The following KCNAB2 variants were observed in gnomAD, a reference collection of about 807,000 sequenced individuals.
KCNAB2 encodes potassium voltage-gated channel subfamily A regulatory beta subunit 2.
In KCNAB2, 29 loss-of-function variants were observed where a neutral mutation model predicts 63.6. The ratio of observed to expected loss-of-function variants is 0.46; its 90% confidence interval spans 0.34 to 0.62. The LOEUF is 0.62. Among genes scored for constraint, KCNAB2 ranks in the 20% least tolerant of loss-of-function variants. KCNAB2 has a pLI of 0.01. For missense variants in KCNAB2, 359 were observed against 563.9 expected (o/e 0.64, Z 3.68); for synonymous variants, 222 against 224.2 (o/e 0.99, Z 0.09).
intron 1 of KCNAB2, among the ~76,000 whole-genome samples, chr1:6,037,850 C>G (rs1211823765): frequency 2.0e-5 from 3 of 149,362 alleles, no homozygotes; most frequent in Non-Finnish European, 4.5e-5. Flanking sequence ...CATGATCCAT[C>G]GTGCCTGGCC....
chr1:6,010,187 T>C (rs1040894293), intron 1 of KCNAB2, among the ~76,000 whole-genome samples: 2 of 152,172 alleles, frequency 1.3e-5, no homozygotes, highest in African/African-American at 4.8e-5. Context: ...ATATGTGCCA[T>C]TTCTTAGCTT....
chr1:6,086,231 C>T lies in KCNAB2; in HGVS notation c.425+983C>T. 1 of 985,254 alleles carries T rather than the reference C, an allele frequency of 1.0e-6. No individual in the cohort carries two copies. Among genetic ancestry groups the T allele is most frequent in the South Asian group, 4.7e-5 (1 of 21,280 alleles). 61.0% of individuals were successfully genotyped at this position (985,254 alleles called of 1,614,324 possible). On this transcript the variant is annotated intron_variant, in intron 6 of 15. Coordinates refer to ENST00000378083, the MANE Select transcript of KCNAB2 (RefSeq NM_001199862.2). This position sits in a 1 kb window ranked among gnomAD's most constrained non-coding sequence, Gnocchi z 4.2. ...GAAATGCCACTCAGAATCCCAGTGC[C>T]AAGGGGAGCCCCCGCCCCCTCCCCC...
At chr1:6,060,045 C>T (rs1229756421) in intron 2 of KCNAB2, among the ~76,000 whole-genome samples, 2 of 152,336 alleles carry the variant, frequency 1.3e-5, no homozygotes, top group Admixed American at 6.5e-5. Context: ...ACTGTCCCTC[C>T]GTGTCAAGTC....
Position 6,099,654 on chromosome 1 carries a change from G to C in KCNAB2, c.*1080G>C. On this transcript the variant is annotated 3_prime_UTR_variant, in exon 16 of 16. Transcript: ENST00000378083. Reference sequence around the variant, plus strand: ...CTTGGGTTTTGTGGAGCGCATGCTTGGACCCTTTCAGTAAGGAAGGGTCTT... The same window carrying C: ...CTTGGGTTTTGTGGAGCGCATGCTTCGACCCTTTCAGTAAGGAAGGGTCTT... 3 of 1,124,642 alleles carry C rather than the reference G, an allele frequency of 2.7e-6. No individual in the cohort carries two copies. Among genetic ancestry groups the C allele is most frequent in the Non-Finnish European group, 3.7e-6 (3 of 821,582 alleles). 69.7% of individuals were successfully genotyped at this position (1,124,642 alleles called of 1,614,324 possible). A position where few individuals can be genotyped will look rare whatever the true frequency, so the allele number is the denominator to read the frequency against.
chr1:6,043,966 C>G (rs1301084127), upstream of KCNAB2, among the ~76,000 whole-genome samples: 1 of 152,204 alleles, frequency 6.6e-6, no homozygotes, highest in Non-Finnish European at 1.5e-5. Context: ...AAGTTGGATC[C>G]CCATGTCCTC....
rs115846477 is a variant in KCNAB2, at chr1:6,099,605, G to A, written c.*1031G>A. 1.3e-3 allele frequency: 902 copies of A among 676,686 alleles called. 10 individuals are homozygous for A. In the African/African-American group the frequency reaches 0.015, roughly 11 times the overall value. The allele number at this position is 676,686 out of a possible 1,614,324, so 41.9% of individuals were successfully genotyped here. A position where few individuals can be genotyped will look rare whatever the true frequency, so the allele number is the denominator to read the frequency against. On this transcript the variant is annotated 3_prime_UTR_variant, in exon 16 of 16. Transcript: ENST00000378083. ...CTAAAGCCGCCCGCCAGCCCAGGCC[G>A]CTGCTCTGCACCGAGCTGGTGGGCT... is the stretch of plus-strand genomic sequence containing the variant.
chr1:6,087,241 A>T lies in KCNAB2; in HGVS notation c.426-226A>T, dbSNP rs1664778263. ...CTGTCCAACTCCCACTGCCTGACTC[A>T]CAGTTACTGCCTCGGTGGCTGCCTC... On this transcript the variant is annotated intron_variant, in intron 6 of 15. Transcript: ENST00000378083. This position sits in a 1 kb window ranked among gnomAD's most constrained non-coding sequence, Gnocchi z 6.4. 6.6e-6 allele frequency among the ~76,000 whole-genome samples: 1 copy of T among 151,774 alleles called. No individual in the cohort carries two copies. Among genetic ancestry groups the T allele is most frequent in the East Asian group, 1.9e-4 (1 of 5,136 alleles).
chr1:6,078,544 C>T lies in KCNAB2; in HGVS notation c.301-3651C>T, dbSNP rs937772824. On this transcript the variant is annotated intron_variant, in intron 4 of 15. Transcript: ENST00000378083. The surrounding 1 kb of genome is among the most constrained non-coding windows in gnomAD (Gnocchi z 4.2). ...GAGCCTTCGGGGGCCAAGGGGACAA[C>T]CAAGGCACAGCCCTAAGGCCGAGTG... Among the ~76,000 whole-genome samples, 1 of 152,132 alleles carries T rather than the reference C, an allele frequency of 6.6e-6. No individual in the cohort carries two copies. The highest frequency in any genetic ancestry group is 1.5e-5 in the Non-Finnish European group (1 of 68,030).
At chr1:6,004,997 G>A (rs1046838936) in intron 1 of KCNAB2, among the ~76,000 whole-genome samples, 1 of 123,630 alleles carries the variant, frequency 8.1e-6, no homozygotes, top group African/African-American at 2.9e-5. Flanking sequence ...CAGAGATCTG[G>A]GAGCTGAGCT....
rs758393469 is a variant in KCNAB2, at chr1:6,087,418, C to T, written c.426-49C>T. On this transcript the variant is annotated intron_variant, in intron 6 of 15. Transcript: ENST00000378083. This position sits in a 1 kb window ranked among gnomAD's most constrained non-coding sequence, Gnocchi z 6.4. ...AGGACGTCGGGGATGAAGGAGGACCCCCCAGGGGCCGGGCTTATCACACCC... is the reference window on the plus strand; with the variant it reads ...AGGACGTCGGGGATGAAGGAGGACCTCCCAGGGGCCGGGCTTATCACACCC... The T allele has an allele frequency of 4.4e-6, 7 of 1,600,642 alleles. No individual in the cohort carries two copies. In the South Asian group the frequency reaches 5.5e-5, roughly 13 times the overall value.
In KCNAB2 at chr1:6,040,580, A is replaced by G. The variant is rs1298900090; in HGVS notation, c.12A>G (p.Glu4=). 8 of 1,614,066 alleles carry G rather than the reference A, an allele frequency of 5.0e-6. No homozygotes were observed. The East Asian group carries it at 1.1e-4, about 22-fold the overall frequency. The stretch of plus-strand genomic sequence containing the variant: ...GTGAGGCTGGCTCCATGTATCCAGA[A>G]TCAACGACGGGCTCCCCGGCTCGGC... Residue 4 remains glutamate, a synonymous_variant, in exon 2 of 16, where the codon GAA becomes GAG. Transcript: ENST00000164247.
At chr1:6,047,102 T>G (rs1312204263) in intron 1 of KCNAB2, among the ~76,000 whole-genome samples, 1 of 152,208 alleles carries the variant, frequency 6.6e-6, no homozygotes, top group African/African-American at 2.4e-5. Flanking sequence ...TTTTTCTTGG[T>G]ACCAGGGTGG....
chr1:6,095,532 G>A lies in KCNAB2; in HGVS notation c.856G>A (p.Val286Met), dbSNP rs746056849. ...QLPELFHKIG[V>M]GAMTWSPLAC... ...CTCCACCTGCTTTTCCTCTTCAGGA[G>A]TGGGCGCCATGACCTGGTCCCCTCT... The change falls in exon 13 of 16, where the codon GTG (valine) becomes ATG (methionine). Residue 286 changes from valine (V) to methionine (M), a missense_variant and splice_region_variant. Physicochemically the swap from Val to Met is conservative, Grantham distance 21 (BLOSUM62 1). This residue lies in a region of KCNAB2 where 271 missense variants were observed against 476.1 expected (regional missense o/e 0.57). Transcript: ENST00000378083. 1 of 1,613,126 alleles carries A rather than the reference G, an allele frequency of 6.2e-7. No homozygotes were observed. Among genetic ancestry groups the A allele is most frequent in the Non-Finnish European group, 8.5e-7 (1 of 1,179,920 alleles).
intron 2 of KCNAB2, among the ~76,000 whole-genome samples, chr1:6,059,707 C>T (rs989179155): frequency 6.6e-6 from 1 of 152,140 alleles, no homozygotes; most frequent in Non-Finnish European, 1.5e-5. Flanking sequence ...GCATGGGAAA[C>T]AGCAGCAACT....
rs1199800224 is a variant in KCNAB2, at chr1:6,003,898, T to C, written c.-53+11110T>C. 2.6e-5 allele frequency among the ~76,000 whole-genome samples: 4 copies of C among 152,204 alleles called. No individual in the cohort carries two copies. On this transcript the variant is annotated intron_variant, in intron 1 of 16. Transcript: ENST00000341524. The surrounding 1 kb of genome is among the most constrained non-coding windows in gnomAD (Gnocchi z 4.1). ...TTTATTCAGCGGGGCCTTTAATGGA[T>C]GTGGTGGAGTAAAGCTGCCTTTCAA... is the stretch of plus-strand genomic sequence containing the variant.
intron 1 of KCNAB2, among the ~76,000 whole-genome samples, chr1:6,012,743 G>A (rs1291403275): frequency 6.6e-6 from 1 of 151,770 alleles, no homozygotes; most frequent in African/African-American, 2.4e-5. Context: ...TGATGGGGGA[G>A]GAGGAGGTGA....
At chr1:5,998,739 C>G (rs1317207357) in intron 1 of KCNAB2, among the ~76,000 whole-genome samples, 1 of 152,196 alleles carries the variant, frequency 6.6e-6, no homozygotes, top group Non-Finnish European at 1.5e-5. Flanking sequence ...CCAGGAGCAG[C>G]GAGGGGGCGC....
At chr1:6,043,243 G>A (rs1660650398), upstream of KCNAB2, among the ~76,000 whole-genome samples, 3 of 152,088 alleles carry the variant, frequency 2.0e-5, no homozygotes, top group Non-Finnish European at 2.9e-5. Flanking sequence ...TGAGCAGGCA[G>A]GAAAATCCCA....
chr1:5,996,651 C>T (rs1341333309), intron 1 of KCNAB2, among the ~76,000 whole-genome samples: 5 of 152,248 alleles, frequency 3.3e-5, no homozygotes, highest in Non-Finnish European at 4.4e-5. Context: ...ACTGCTTTGA[C>T]GCCATGCTGG....
Sources: allele counts gnomAD v4.1 joint callset (sites outside exome capture counted in the v4.1 genomes callset), GRCh38; gene constraint gnomAD v4.1.1; regional missense constraint gnomAD v4.1.1; non-coding constraint Gnocchi (gnomAD v3.1); transcripts MANE v1.5; gene names NCBI Gene and HGNC (gene_info 2026-07-23, HGNC 2026-07-21).